TUB: variants seen among roughly 807,000 people sequenced by gnomAD.
The protein encoded by TUB is TUB bipartite transcription factor.
A neutral mutation model predicts 59.7 loss-of-function variants in TUB; 33 were observed. The ratio of observed to expected loss-of-function variants is 0.55; its 90% CI spans 0.42 to 0.74. The LOEUF (loss-of-function observed/expected upper bound fraction) is 0.74, where lower values mean the gene tolerates loss of function less well. Among genes scored for constraint, TUB ranks in the 30% least tolerant of loss-of-function variants. TUB has a pLI of 0.00. For missense variants in TUB, 659 were observed against 672.0 expected (o/e 0.98, Z 0.21); for synonymous variants, 293 against 256.4 (o/e 1.14, Z -1.36).
rs1943555872 is a variant in TUB, at chr11:8,081,286, G to A, written c.-225G>A. The A allele has an allele frequency of 2.5e-5, 20 of 810,548 alleles. No homozygotes were observed. In the South Asian group the frequency reaches 1.0e-3, roughly 40 times the overall value. The allele number at this position is 810,548 out of a possible 1,614,324, so 50.2% of individuals were successfully genotyped here. A position where few individuals can be genotyped will look rare whatever the true frequency, so the allele number is the denominator to read the frequency against. On this transcript the variant is annotated 5_prime_UTR_variant, in exon 1 of 12. Transcript: ENST00000299506. ...GCCTCCACGCGCGCGCACGACCCGC[G>A]CACTCCCGGAGCTTCGCCCATCTCG...
chr11:8,028,087 C>T lies in TUB; in HGVS notation c.56+8729C>T, dbSNP rs1942524662. Among the ~76,000 whole-genome samples the T allele has an allele frequency of 4.6e-5, 7 of 152,164 alleles. No homozygotes were observed. In the South Asian group the frequency reaches 1.4e-3, roughly 32 times the overall value. ...TGTACAAGGGTTCCCATTTCTTCAC[C>T]TTCTCACCAATAACCTGTTAATTTC... On this transcript the variant is annotated intron_variant, in intron 1 of 11. Coordinates refer to the TUB transcript ENST00000534099.
intron 2 of TUB, among the ~76,000 whole-genome samples, chr11:8,063,752 G>C (rs553524816): frequency 1.3e-5 from 2 of 152,278 alleles, no homozygotes; most frequent in South Asian, 4.2e-4. Context: ...CAATTTTATA[G>C]TTCTTGTCAC....
At chr11:8,093,292 G>A (rs1319993409) in intron 3 of TUB, among the ~76,000 whole-genome samples, 1 of 152,104 alleles carries the variant, frequency 6.6e-6, no homozygotes, top group African/African-American at 2.4e-5. Context: ...AGGGCCCTGT[G>A]GCAAGAGGGA....
intron 1 of TUB, among the ~76,000 whole-genome samples, chr11:8,022,932 A>G (rs560151987): frequency 6.6e-6 from 1 of 151,928 alleles, no homozygotes; most frequent in East Asian, 1.9e-4. Context: ...CACACAAACA[A>G]AAACAAAACA....
intron 1 of TUB, among the ~76,000 whole-genome samples, chr11:8,022,440 G>C (rs1010575794): frequency 6.6e-6 from 1 of 152,070 alleles, no homozygotes; most frequent in African/African-American, 2.4e-5. Flanking sequence ...TCACATCTTT[G>C]AACCTGGCAA....
At chr11:8,088,609 A>G (rs1361731180) in intron 1 of TUB, among the ~76,000 whole-genome samples, 1 of 152,252 alleles carries the variant, frequency 6.6e-6, no homozygotes, top group Non-Finnish European at 1.5e-5. Flanking sequence ...CAGCTTCAGA[A>G]TAACTGGGCC....
chr11:8,051,438 G>A lies in TUB; in HGVS notation c.203+11746G>A, dbSNP rs192386815. ...TTTCCATAATTTCTAAATTCTCAAT[G>A]ATGAATATATTTGTACATAAATCTC... On this transcript the variant is annotated intron_variant, in intron 2 of 12. Coordinates refer to the TUB transcript ENST00000305253. Among the ~76,000 whole-genome samples, 5 of 152,128 alleles carry A rather than the reference G, an allele frequency of 3.3e-5. No individual in the cohort carries two copies. In the East Asian group the frequency reaches 9.7e-4, roughly 29 times the overall value.
chr11:8,024,351 C>T (rs969632674), intron 1 of TUB, among the ~76,000 whole-genome samples: 4 of 152,182 alleles, frequency 2.6e-5, no homozygotes, highest in African/African-American at 9.6e-5. Context: ...CATCTTCGGC[C>T]GGGCCACCAA....
chr11:8,060,922 G>A (rs969093584), intron 2 of TUB, among the ~76,000 whole-genome samples: 5 of 152,288 alleles, frequency 3.3e-5, no homozygotes, highest in South Asian at 2.1e-4. Context: ...GCACAGTCAT[G>A]GTTATGTCCA....
intron 2 of TUB, among the ~76,000 whole-genome samples, chr11:8,062,789 G>C (rs1459563800): frequency 6.6e-6 from 1 of 152,122 alleles, no homozygotes; most frequent in Non-Finnish European, 1.5e-5. Context: ...ATTCTGACAG[G>C]CTGCAGCTGG....
At position 8,061,312 on chromosome 11, in the gene TUB, G is replaced by A. The variant is rs544319585; in HGVS notation, c.203+21620G>A. On this transcript the variant is annotated intron_variant, in intron 2 of 12. Transcript: ENST00000305253. ...CCTCAAACCTTGCTGACAGCTGGGCGCTCTCAGTAAACTGAGGCAAGCCTG... is the reference window on the plus strand; with the variant it reads ...CCTCAAACCTTGCTGACAGCTGGGCACTCTCAGTAAACTGAGGCAAGCCTG... Among the ~76,000 whole-genome samples the A allele has an allele frequency of 4.6e-5, 7 of 152,302 alleles. No individual in the cohort carries two copies. The South Asian group carries it at 6.2e-4, about 14-fold the overall frequency.
At chr11:8,037,918 A>G (rs7951035), upstream of TUB, among the ~76,000 whole-genome samples, 7,571 of 152,204 alleles carry the variant, frequency 0.05, 695 homozygotes, top group African/African-American at 0.17. Context: ...TGATGATGCC[A>G]AGATCTGGGC....
chr11:8,090,783 T>C (rs555561456), intron 3 of TUB, among the ~76,000 whole-genome samples: 4 of 151,902 alleles, frequency 2.6e-5, no homozygotes, highest in South Asian at 2.1e-4. Flanking sequence ...CAGAGCCCAG[T>C]TGGGAGAAAT....
At chr11:8,092,122 C>T (rs1439710334) in intron 3 of TUB, among the ~76,000 whole-genome samples, 1 of 152,220 alleles carries the variant, frequency 6.6e-6, no homozygotes, top group Non-Finnish European at 1.5e-5. Flanking sequence ...ACAACTAGCG[C>T]CTCTGGCGTA....
intron 1 of TUB, among the ~76,000 whole-genome samples, chr11:8,032,324 C>T (rs1035666492): frequency 3.3e-5 from 5 of 152,138 alleles, no homozygotes; most frequent in South Asian, 2.1e-4. Flanking sequence ...GGCTCGTAGC[C>T]GGTGAACACC....
intron 3 of TUB, among the ~76,000 whole-genome samples, chr11:8,091,347 C>T (rs890775582): frequency 6.6e-6 from 1 of 152,186 alleles, no homozygotes; most frequent in Non-Finnish European, 1.5e-5. Flanking sequence ...GTGTACCCTC[C>T]GAGGAAGCCT....
At chr11:8,092,425 T>C (rs1396892019) in intron 3 of TUB, among the ~76,000 whole-genome samples, 3 of 152,046 alleles carry the variant, frequency 2.0e-5, no homozygotes, top group Non-Finnish European at 4.4e-5. Flanking sequence ...TAGTTTCTGG[T>C]CGTGCCACTA....
intron 2 of TUB, among the ~76,000 whole-genome samples, chr11:8,041,009 C>A (rs966045085): frequency 1.3e-5 from 2 of 152,230 alleles, no homozygotes; most frequent in African/African-American, 4.8e-5. Context: ...AGGGTTCTTT[C>A]TCTGTACTGC....
At chr11:8,078,858 TAC>T (rs1943493502), upstream of TUB, among the ~76,000 whole-genome samples, 1 of 151,872 alleles carries the variant, frequency 6.6e-6, no homozygotes. Flanking sequence ...TACACACATG[TAC>T]ACACATACAC....
Sources: allele counts gnomAD v4.1 joint callset (sites outside exome capture counted in the v4.1 genomes callset), GRCh38; gene constraint gnomAD v4.1.1; transcripts MANE v1.5; gene names NCBI Gene and HGNC (gene_info 2026-07-23, HGNC 2026-07-21).